The following NAP1L1 variants were observed in gnomAD, a reference collection of about 807,000 sequenced individuals.
NAP1L1 encodes the protein nucleosome assembly protein 1 like 1.
Under a neutral mutation model 58.9 loss-of-function variants are expected in NAP1L1, and 9 were observed. That is an observed-to-expected ratio of 0.15 (90% CI 0.09 to 0.27). The LOEUF is 0.27. NAP1L1 is among the 10% of genes least tolerant of loss of function. The pLI is 1.00. For missense variants in NAP1L1, 302 were observed against 458.8 expected (o/e 0.66, Z 3.12); for synonymous variants, 130 against 138.3 (o/e 0.94, Z 0.42).
intron 2 of NAP1L1, among the ~76,000 whole-genome samples, chr12:76,072,887 C>G (rs1000306579): frequency 6.6e-6 from 1 of 152,058 alleles, no homozygotes; most frequent in African/African-American, 2.4e-5. Flanking sequence ...AATAATTTAG[C>G]TCCCTTGTAC....
At chr12:76,072,592 T>C (rs1266327116) in intron 2 of NAP1L1, among the ~76,000 whole-genome samples, 1 of 152,152 alleles carries the variant, frequency 6.6e-6, no homozygotes, top group Non-Finnish European at 1.5e-5. Flanking sequence ...CCACTGAATA[T>C]GTAACATTAA....
At position 76,043,593 on chromosome 12, in the gene NAP1L1, T is replaced by C. The variant is rs1948571836; in HGVS notation, c.*4836A>G. The C allele has an allele frequency of 6.6e-6, 1 of 152,096 alleles. No homozygotes were observed. Among genetic ancestry groups the C allele is most frequent in the African/African-American group, 2.4e-5 (1 of 41,408 alleles). The allele number at this position is 152,096 out of a possible 1,614,324, so 9.4% of individuals were successfully genotyped here. On this transcript the variant is annotated 3_prime_UTR_variant, in exon 15 of 15. Transcript: ENST00000618691. ...AACCCATTAAGAGGACTTCCACAGC[T>C]AAACTTTCTATGGACTGGCCACTTG...
At chr12:76,067,522 A>T in intron 3 of NAP1L1, 49 bp from the exon 4 acceptor site, 1 of 1,454,700 alleles carries the variant, frequency 6.9e-7, no homozygotes, top group Non-Finnish European at 9.5e-7. Context: ...AAAATGTATT[A>T]TGCTTTTTTA....
At chr12:76,049,111 T>A in intron 14 of NAP1L1, 89 bp downstream of exon 14, 1 of 1,328,120 alleles carries the variant, frequency 7.5e-7, no homozygotes, top group Non-Finnish European at 1.1e-6. Context: ...TATTAAAGAC[T>A]TTAACGGAGA....
intron 11 of NAP1L1, 53 bp downstream of exon 11, chr12:76,053,038 T>C: frequency 6.5e-7 from 1 of 1,534,418 alleles, no homozygotes; most frequent in Non-Finnish European, 8.9e-7. Context: ...AATTCAGTGC[T>C]TTAATTTCAA....
intron 1 of NAP1L1, among the ~76,000 whole-genome samples, chr12:76,079,194 G>A (rs1487674346): frequency 6.6e-6 from 1 of 152,030 alleles, no homozygotes; most frequent in Non-Finnish European, 1.5e-5. Flanking sequence ...AATAACTAAG[G>A]CTCTTAAAAT....
chr12:76,081,107 A>C (rs1401537224), intron 1 of NAP1L1, among the ~76,000 whole-genome samples: 1 of 152,028 alleles, frequency 6.6e-6, no homozygotes, highest in Non-Finnish European at 1.5e-5. Flanking sequence ...ACTCAGTTTC[A>C]GGTATTCTAA....
intron 4 of NAP1L1, among the ~76,000 whole-genome samples, chr12:76,064,823 T>C (rs1382025459): frequency 6.6e-6 from 1 of 152,002 alleles, no homozygotes; most frequent in African/African-American, 2.4e-5. Flanking sequence ...AAAACTCCCC[T>C]GGACCTCTAC....
intron 8 of NAP1L1, among the ~76,000 whole-genome samples, chr12:76,054,527 C>T (rs762812657): frequency 9.2e-5 from 14 of 152,220 alleles, no homozygotes; most frequent in Non-Finnish European, 1.9e-4. Context: ...GCCTCCCTTA[C>T]TCCCCAACTA....
rs1948590398 is a variant in NAP1L1, at chr12:76,045,341, A to ATAT, written c.*3085_*3087dup. 6.6e-6 allele frequency: 1 copy of ATAT among 152,116 alleles called. No homozygotes were observed. Among genetic ancestry groups the ATAT allele is most frequent in the Admixed American group, 6.5e-5 (1 of 15,280 alleles). 9.4% of individuals were successfully genotyped at this position (152,116 alleles called of 1,614,324 possible). On this transcript the variant is annotated 3_prime_UTR_variant, in exon 15 of 15. Transcript: ENST00000618691. ...GAAACCAAAGCATTCAAATATTTGA[A>ATAT]TATTAGTTCAATATTTCTACATAGC...
intron 14 of NAP1L1, 95 bp downstream of exon 14, chr12:76,049,105 A>T: frequency 1.6e-6 from 2 of 1,255,478 alleles, no homozygotes; most frequent in Non-Finnish European, 2.3e-6. Flanking sequence ...TTTATTTATT[A>T]AAGACTTTAA....
Position 76,049,267 on chromosome 12 carries a change from A to C in NAP1L1, c.1090-17T>G. 6.2e-7 allele frequency: 1 copy of C among 1,613,392 alleles called. No homozygotes were observed. Among genetic ancestry groups the C allele is most frequent in the Non-Finnish European group, 8.5e-7 (1 of 1,179,738 alleles). On this transcript the variant is annotated splice_polypyrimidine_tract_variant and intron_variant, in intron 13 of 14. Coordinates refer to ENST00000618691, the MANE Select transcript of NAP1L1 (RefSeq NM_004537.7). ...TTCCCCTTCCTATATTAAAGTTCAA[A>C]ATGCATCCATGAAGTATGTACATAG... is the stretch of plus-strand genomic sequence containing the variant.
At chr12:76,070,018 A>G (rs1949873077) in intron 2 of NAP1L1, among the ~76,000 whole-genome samples, 1 of 152,222 alleles carries the variant, frequency 6.6e-6, no homozygotes, top group African/African-American at 2.4e-5. Flanking sequence ...AATTTTCCAC[A>G]GGGACAAATA....
intron 11 of NAP1L1, among the ~76,000 whole-genome samples, chr12:76,051,844 G>A (rs1051537151): frequency 5.9e-5 from 9 of 151,880 alleles, no homozygotes; most frequent in African/African-American, 1.2e-4. Flanking sequence ...GTGAAACCCC[G>A]TCTCTACTAA....
chr12:76,070,579 G>A (rs1160977459), intron 2 of NAP1L1, among the ~76,000 whole-genome samples: 1 of 152,082 alleles, frequency 6.6e-6, no homozygotes, highest in Non-Finnish European at 1.5e-5. Context: ...ATGCCCATGT[G>A]GCCAAATCCA....
intron 2 of NAP1L1, among the ~76,000 whole-genome samples, chr12:76,069,490 T>C (rs1949845466): frequency 6.6e-6 from 1 of 152,202 alleles, no homozygotes; most frequent in African/African-American, 2.4e-5. Flanking sequence ...GCCTTTATCT[T>C]AATCCCTCTC....
rs866387925 is a variant in NAP1L1 at position 76,053,276 on chromosome 12, C to T, written c.845G>A (p.Arg282His). The change falls in exon 10 of 15, where the codon CGT becomes CAT. Residue 282 changes from arginine (R) to histidine (H), a missense_variant. By Grantham distance (29) the Arg-to-His change is conservative. Coordinates refer to ENST00000618691, the MANE Select transcript of NAP1L1 (RefSeq NM_004537.7). ...TTTAGTCACAGTACGAACTGTCCCA[C>T]GTCCCTTGTGTTTCTGCTTCTTCTT... ...TIKKKQKHKG[R>H]GTVRTVTKTV... is the part of the protein sequence containing the mutation. The T allele has an allele frequency of 5.6e-6, 9 of 1,614,042 alleles. No individual in the cohort carries two copies. The highest frequency in any genetic ancestry group is 3.3e-5 in the South Asian group (3 of 91,078).
At chr12:76,069,898 T>C (rs908999717) in intron 2 of NAP1L1, among the ~76,000 whole-genome samples, 14 of 152,200 alleles carry the variant, frequency 9.2e-5, no homozygotes, top group Non-Finnish European at 1.5e-4. Context: ...AAAATAAGGA[T>C]TCCTAAGTCA....
chr12:76,062,588 G>T (rs1592654218), intron 4 of NAP1L1, among the ~76,000 whole-genome samples: 1 of 152,118 alleles, frequency 6.6e-6, no homozygotes, highest in Admixed American at 6.6e-5. Context: ...AACAGACTGG[G>T]AATGTTAAGT....
Sources: gnomAD v4.1 joint callset for allele counts (sites outside exome capture counted in the v4.1 genomes callset) on GRCh38, gnomAD v4.1.1 for gene constraint, MANE v1.5 for transcripts, NCBI Gene and HGNC (gene_info 2026-07-23, HGNC 2026-07-21) for gene names.